Variants in CFAP299 observed in about 807,000 individuals in gnomAD.
CFAP299 encodes cilia- and flagella-associated protein 299.
Under a neutral mutation model 27.0 loss-of-function variants are expected in CFAP299, and 21 were observed. That is an observed-to-expected ratio of 0.78 (90% CI 0.55 to 1.12). The LOEUF is 1.12. Among genes scored for constraint, CFAP299 ranks in the 50% most tolerant of loss-of-function variants. CFAP299 has a pLI of 0.00. For synonymous variants in CFAP299, 104 were observed against 98.1 expected, an observed-to-expected ratio of 1.06 and a Z score of -0.36; for missense variants, 310 against 276.6, an observed-to-expected ratio of 1.12 and a Z score of -0.86.
chr4:80,870,545 C>A, intron 4 of CFAP299: 1 of 989,044 alleles, frequency 1.0e-6, no homozygotes, highest in Non-Finnish European at 1.2e-6. Context: ...CCTCATTTCT[C>A]TCATCTCTGT....
intron 2 of CFAP299, among the ~76,000 whole-genome samples, chr4:80,429,683 C>G (rs925291339): frequency 2.0e-5 from 3 of 152,038 alleles, no homozygotes; most frequent in African/African-American, 7.2e-5. Context: ...ATATCATAGT[C>G]AATCATAATA....
upstream of CFAP299, among the ~76,000 whole-genome samples, chr4:80,332,345 T>G (rs555342591): frequency 2.9e-4 from 44 of 152,226 alleles, no homozygotes; most frequent in Admixed American, 7.9e-4. Flanking sequence ...GGGTGATTTT[T>G]GGGATCATTT....
chr4:80,821,307 G>C (rs994266504), intron 3 of CFAP299, among the ~76,000 whole-genome samples: 1 of 152,102 alleles, frequency 6.6e-6, no homozygotes, highest in Non-Finnish European at 1.5e-5. Flanking sequence ...AAAACGTTAA[G>C]TTGAAGAGAA....
rs34105611 is a variant in CFAP299, at chr4:80,682,575, A to AT, written c.333+99404dup. On this transcript the variant is annotated intron_variant, in intron 3 of 5. Coordinates refer to ENST00000358105, the MANE Select transcript of CFAP299 (RefSeq NM_152770.3). ...AGTGTACATTTTACATGCATACCAC[A>AT]TTTTTTTTTTTTGTAACAACCTTAC... Among the ~76,000 whole-genome samples the AT allele has an allele frequency of 2.2e-3, 331 of 148,880 alleles. 1 individual carries two copies. The highest frequency in any genetic ancestry group is 6.2e-3 in the African/African-American group (252 of 40,720).
rs569313151 is a variant in CFAP299, at chr4:80,774,658, C to A, written c.334-95335C>A. On this transcript the variant is annotated intron_variant, in intron 3 of 5. Coordinates refer to ENST00000358105, the MANE Select transcript of CFAP299 (RefSeq NM_152770.3). ...TATATTGTGATAACTACATAATTTTCATATGTCGATTTGGCAACCATTTAA... is the reference window on the plus strand; with the variant it reads ...TATATTGTGATAACTACATAATTTTAATATGTCGATTTGGCAACCATTTAA... 6.6e-5 allele frequency among the ~76,000 whole-genome samples: 10 copies of A among 151,986 alleles called. No individual in the cohort carries two copies. In the South Asian group the frequency reaches 1.0e-3, roughly 16 times the overall value.
chr4:80,875,031 G>GT (rs1441917118), intron 4 of CFAP299, among the ~76,000 whole-genome samples: 2 of 152,014 alleles, frequency 1.3e-5, no homozygotes, highest in Non-Finnish European at 2.9e-5. Flanking sequence ...CTTTTTATTT[G>GT]TTTTTAATGC....
At chr4:80,537,056 T>C (rs1265310998) in intron 2 of CFAP299, among the ~76,000 whole-genome samples, 3 of 152,026 alleles carry the variant, frequency 2.0e-5, no homozygotes, top group African/African-American at 4.8e-5. Context: ...TAAATATTTT[T>C]CAAAGGAAGA....
intron 2 of CFAP299, among the ~76,000 whole-genome samples, chr4:80,498,513 C>T (rs191490948): frequency 4.0e-4 from 61 of 151,876 alleles, no homozygotes; most frequent in African/African-American, 1.4e-3. Flanking sequence ...TTAATCATTA[C>T]AGAAATACAA....
chr4:80,601,113 A>C (rs1048226737), intron 3 of CFAP299, among the ~76,000 whole-genome samples: 1 of 152,154 alleles, frequency 6.6e-6, no homozygotes, highest in Non-Finnish European at 1.5e-5. Context: ...ATAGGAAAAA[A>C]CTTTAAAAGT....
chr4:80,378,815 T>G (rs1203414718), intron 2 of CFAP299, among the ~76,000 whole-genome samples: 1 of 152,094 alleles, frequency 6.6e-6, no homozygotes, highest in Non-Finnish European at 1.5e-5. Context: ...ATGCTAATAT[T>G]TTGTTGAGAA....
At chr4:80,745,682 A>G (rs114654313) in intron 3 of CFAP299, among the ~76,000 whole-genome samples, 2,411 of 152,114 alleles carry the variant, frequency 0.016, 38 homozygotes, top group African/African-American at 0.042. Context: ...ACCAATATGG[A>G]CTCATTAACT....
At chr4:80,717,931 T>G (rs1010279710) in intron 3 of CFAP299, among the ~76,000 whole-genome samples, 4 of 152,138 alleles carry the variant, frequency 2.6e-5, no homozygotes, top group African/African-American at 7.2e-5. Context: ...TTACAATCAT[T>G]TTTAGTTTTA....
intron 2 of CFAP299, among the ~76,000 whole-genome samples, chr4:80,567,076 C>T (rs1735337974): frequency 6.6e-6 from 1 of 151,694 alleles, no homozygotes; most frequent in African/African-American, 2.4e-5. Flanking sequence ...TGATGTAAGA[C>T]ACTGTAGATC....
chr4:80,821,122 A>G (rs1729680758), intron 3 of CFAP299, among the ~76,000 whole-genome samples: 2 of 152,172 alleles, frequency 1.3e-5, no homozygotes, highest in Non-Finnish European at 2.9e-5. Context: ...TAAAGTAGTG[A>G]TCCCTTCAGT....
At chr4:80,844,438 T>C (rs548788489) in intron 3 of CFAP299, among the ~76,000 whole-genome samples, 138 of 152,304 alleles carry the variant, frequency 9.1e-4, no homozygotes, top group African/African-American at 3.2e-3. Flanking sequence ...TTTTTAATGA[T>C]CACCATTCTA....
At chr4:80,585,816 A>G (rs1306910623) in intron 3 of CFAP299, among the ~76,000 whole-genome samples, 1 of 152,202 alleles carries the variant, frequency 6.6e-6, no homozygotes, top group Non-Finnish European at 1.5e-5. Flanking sequence ...TAATAGATGC[A>G]TAATAGAAGC....
intron 4 of CFAP299, among the ~76,000 whole-genome samples, chr4:80,903,851 C>A (rs1388009403): frequency 6.6e-6 from 1 of 152,028 alleles, no homozygotes; most frequent in East Asian, 1.9e-4. Context: ...TTTATTATTT[C>A]CCTCATTTAC....
intron 5 of CFAP299, among the ~76,000 whole-genome samples, chr4:80,947,012 C>T (rs1485536569): frequency 6.6e-6 from 1 of 152,116 alleles, no homozygotes; most frequent in African/African-American, 2.4e-5. Context: ...TGGCATATTT[C>T]AAGAATGCAT....
At chr4:80,833,678 C>T (rs760034866) in intron 3 of CFAP299, among the ~76,000 whole-genome samples, 2 of 152,080 alleles carry the variant, frequency 1.3e-5, no homozygotes, top group African/African-American at 4.8e-5. Context: ...GATTATTGGA[C>T]GTATTTTAAA....
Sources: allele counts gnomAD v4.1 joint callset (sites outside exome capture counted in the v4.1 genomes callset), GRCh38; gene constraint gnomAD v4.1.1; transcripts MANE v1.5; gene names NCBI Gene and HGNC (gene_info 2026-07-23, HGNC 2026-07-21).